Variants in PLCE1 observed in about 807,000 individuals in gnomAD.
PLCE1 encodes 1-phosphatidylinositol 4,5-bisphosphate phosphodiesterase epsilon-1.
A neutral mutation model predicts 242.8 loss-of-function variants in PLCE1; 119 were observed. The observed-to-expected ratio is 0.49, with a 90% CI of 0.42 to 0.57. The LOEUF is 0.57. Among genes scored for constraint, PLCE1 ranks in the 20% least tolerant of loss-of-function variants. PLCE1 has a pLI of 0.00. For missense variants in PLCE1, 2,441 were observed against 2,788.8 expected (o/e 0.88, Z 2.81); for synonymous variants, 945 against 1,017.4 (o/e 0.93, Z 1.35).
intron 5 of PLCE1, among the ~76,000 whole-genome samples, chr10:94,228,512 C>G (rs2050025555): frequency 6.6e-6 from 1 of 152,082 alleles, no homozygotes; most frequent in South Asian, 2.1e-4. Flanking sequence ...ATAGTAAGGC[C>G]TCATAAAGAG....
intron 4 of PLCE1, among the ~76,000 whole-genome samples, chr10:94,177,574 T>C (rs1015103104): frequency 6.6e-6 from 1 of 152,220 alleles, no homozygotes; most frequent in African/African-American, 2.4e-5. Context: ...GCCAGTGTTC[T>C]TTCTCTCTCC....
At chr10:94,066,345 T>A (rs1333666836) in intron 2 of PLCE1, among the ~76,000 whole-genome samples, 3 of 152,256 alleles carry the variant, frequency 2.0e-5, no homozygotes, top group Admixed American at 1.3e-4. Flanking sequence ...TAATATTTAT[T>A]CAATTAATTC....
intron 2 of PLCE1, among the ~76,000 whole-genome samples, chr10:94,090,088 G>C (rs1026703036): frequency 1.3e-5 from 2 of 151,814 alleles, no homozygotes; most frequent in Admixed American, 1.3e-4. Context: ...TTAGACCTTT[G>C]ATAAGATTAG....
intron 11 of PLCE1, among the ~76,000 whole-genome samples, chr10:94,255,480 A>G (rs111809345): frequency 6.6e-6 from 1 of 151,514 alleles, no homozygotes; most frequent in Admixed American, 6.6e-5. Context: ...TCTTTTTATC[A>G]TTGCAGAAAG....
intron 4 of PLCE1, among the ~76,000 whole-genome samples, chr10:94,193,897 A>T (rs1469469734): frequency 1.3e-5 from 2 of 152,236 alleles, no homozygotes; most frequent in Non-Finnish European, 2.9e-5. Flanking sequence ...CTTGGTCACC[A>T]ACCAATGGAT....
chr10:94,287,977 A>G (rs1216775025), intron 22 of PLCE1, among the ~76,000 whole-genome samples: 1 of 152,054 alleles, frequency 6.6e-6, no homozygotes, highest in African/African-American at 2.4e-5. Flanking sequence ...ACTCATTGTG[A>G]CATCTCCTTT....
At chr10:94,126,803 G>A (rs988229286) in intron 2 of PLCE1, among the ~76,000 whole-genome samples, 1 of 152,138 alleles carries the variant, frequency 6.6e-6, no homozygotes, top group African/African-American at 2.4e-5. Flanking sequence ...ATTTTCAAAA[G>A]GAATTGAGAA....
intron 3 of PLCE1, among the ~76,000 whole-genome samples, chr10:94,154,360 TAAA>T (rs1231802587): frequency 6.6e-6 from 1 of 152,062 alleles, no homozygotes; most frequent in African/African-American, 2.4e-5. Flanking sequence ...CCTAGAACTA[TAAA>T]ACTCATAGAA....
In PLCE1 at chr10:94,229,194, A is replaced by AAAC. The variant is rs1297884481; in HGVS notation, c.1955+1746_1955+1748dup. On this transcript the variant is annotated intron_variant, in intron 5 of 32. Coordinates refer to ENST00000371380, the MANE Select transcript of PLCE1 (RefSeq NM_016341.4). ...GAAACTCTGTATCAAAAAACAAAAC[A>AAAC]AACAAACAAAAAAAAACAGAAAAAA... Among the ~76,000 whole-genome samples, 7 of 93,090 alleles carry AAAC rather than the reference A, an allele frequency of 7.5e-5. No individual in the cohort carries two copies. The East Asian group carries it at 3.2e-3, about 42-fold the overall frequency. 61.1% of individuals were successfully genotyped at this position (93,090 alleles called of 152,430 possible).
intron 3 of PLCE1, among the ~76,000 whole-genome samples, chr10:94,163,796 G>C (rs1467416207): frequency 6.6e-6 from 1 of 152,102 alleles, no homozygotes; most frequent in Admixed American, 6.6e-5. Flanking sequence ...GGCTGGTACC[G>C]GTTGTTCCTT....
intron 2 of PLCE1, among the ~76,000 whole-genome samples, chr10:94,083,366 G>A (rs181889339): frequency 1.3e-5 from 2 of 152,112 alleles, no homozygotes; most frequent in East Asian, 1.9e-4. Context: ...TAAAGGTGTC[G>A]GTCGTTTTCA....
chr10:94,092,179 A>AT (rs909387200), intron 2 of PLCE1, among the ~76,000 whole-genome samples: 26 of 152,212 alleles, frequency 1.7e-4, no homozygotes, highest in African/African-American at 6.0e-4. Flanking sequence ...TTGTCAATGA[A>AT]TTTTTTTTAA....
rs150940017 is a variant in PLCE1 at position 94,242,088 on chromosome 10, G to A, written c.2421-3858G>A. ...TGGTGATGTTTAACATTAAACCCAG[G>A]ATGACTGCAGCAGGCATGTATGAAG... On this transcript the variant is annotated intron_variant, in intron 7 of 32. Transcript: ENST00000371380. Among the ~76,000 whole-genome samples the A allele has an allele frequency of 2.6e-3, 392 of 152,238 alleles. 2 individuals are homozygous for A. Among genetic ancestry groups the A allele is most frequent in the African/African-American group, 8.9e-3 (371 of 41,556 alleles).
intron 28 of PLCE1, 42 bp from the exon 29 acceptor site, chr10:94,316,505 G>C: frequency 7.7e-7 from 1 of 1,306,250 alleles, no homozygotes; most frequent in Non-Finnish European, 1.1e-6. Flanking sequence ...TTTGTTTTAA[G>C]TTTTTGCCTC....
At chr10:94,214,148 A>G (rs2049437990) in intron 4 of PLCE1, among the ~76,000 whole-genome samples, 3 of 152,190 alleles carry the variant, frequency 2.0e-5, no homozygotes, top group African/African-American at 7.2e-5. Context: ...GCTTGACAAC[A>G]TCTTGTTTTG....
chr10:94,171,161 T>G lies in PLCE1; in HGVS notation c.1493-19T>G, dbSNP rs1279204229. On this transcript the variant is annotated intron_variant, in intron 3 of 32. Transcript: ENST00000371380. ...ACACCAGATTTGATGTAACCACGAC[T>G]TCTGTTGCTTTGTTTTAGAACGCCA... 1 of 1,610,596 alleles carries G rather than the reference T, an allele frequency of 6.2e-7. No homozygotes were observed. Among genetic ancestry groups the G allele is most frequent in the Non-Finnish European group, 8.5e-7 (1 of 1,176,882 alleles).
At position 94,236,000 on chromosome 10, in the gene PLCE1, T is replaced by C. The variant is rs772518223; in HGVS notation, c.2300T>C (p.Val767Ala). The C allele has an allele frequency of 6.2e-7, 1 of 1,613,932 alleles. No homozygotes were observed. The highest frequency in any genetic ancestry group is 2.2e-5 in the East Asian group (1 of 44,888). Reference protein sequence around the residue: ...GLKNSEKESTVNSIFQVIRSC... With the variant: ...GLKNSEKESTANSIFQVIRSC... ...AAGAATTCGGAGAAGGAGTCCACTG[T>C]CAACAGCATCTTTCAGGTCATCCGG... The change falls in exon 7 of 33, where the codon GTC becomes GCC. Residue 767 changes from valine to alanine, a missense_variant. This residue lies in a region of PLCE1 where 733 missense variants were observed against 754.2 expected (regional missense o/e 0.97). Transcript: ENST00000371380.
intron 1 of PLCE1, among the ~76,000 whole-genome samples, chr10:94,020,241 C>T (rs934891787): frequency 6.6e-6 from 1 of 152,082 alleles, no homozygotes; most frequent in African/African-American, 2.4e-5. Flanking sequence ...TGCTATTTCC[C>T]TTATGACTAA....
At position 94,246,631 on chromosome 10, in the gene PLCE1, G is replaced by A; in HGVS notation, c.3096+10G>A. 1 of 1,611,580 alleles carries A rather than the reference G, an allele frequency of 6.2e-7. No individual in the cohort carries two copies. Among genetic ancestry groups the A allele is most frequent in the Non-Finnish European group, 8.5e-7 (1 of 1,178,710 alleles). On this transcript the variant is annotated intron_variant, in intron 8 of 32. Coordinates refer to ENST00000371380, the MANE Select transcript of PLCE1 (RefSeq NM_016341.4). ...CGTCAGCCTTTATCAGGTAAGGGGT[G>A]CAGCCATCCCTCTTTCCTCACTGGC...
Sources: gnomAD v4.1 joint callset for allele counts (sites outside exome capture counted in the v4.1 genomes callset) on GRCh38, gnomAD v4.1.1 for gene constraint, gnomAD v4.1.1 regional missense constraint, MANE v1.5 for transcripts, NCBI Gene and HGNC (gene_info 2026-07-23, HGNC 2026-07-21) for gene names.